The following ASIC2 variants were observed in gnomAD, a reference collection of about 807,000 sequenced individuals.
ASIC2 encodes the protein acid sensing ion channel subunit 2, also known as acid-sensing ion channel 2.
In ASIC2, 25 loss-of-function variants were observed where a neutral mutation model predicts 57.3. The observed-to-expected ratio is 0.44, with a 90% CI of 0.32 to 0.61. The LOEUF (loss-of-function observed/expected upper bound fraction) is 0.61, where lower values mean the gene tolerates loss of function less well. Among genes scored for constraint, ASIC2 ranks in the 20% least tolerant of loss-of-function variants. The pLI, the probability that ASIC2 is intolerant of heterozygous loss-of-function variation, is 0.06. For missense variants in ASIC2, 641 were observed against 738.1 expected (o/e 0.87, Z 1.52); for synonymous variants, 319 against 307.5 (o/e 1.04, Z -0.39).
chr17:33,371,488 T>C lies in ASIC2; in HGVS notation c.556-259421A>G, dbSNP rs545982425. 1.3e-4 allele frequency among the ~76,000 whole-genome samples: 20 copies of C among 152,352 alleles called. No homozygotes were observed. In the South Asian group the frequency reaches 2.5e-3, roughly 19 times the overall value. ...AAAAATAATTGAGCTCTTTGAGGCC[T>C]GATGGGAATCTTACTAAAACCTTCC... On this transcript the variant is annotated intron_variant, in intron 1 of 9. Coordinates refer to the ASIC2 transcript ENST00000359872.
intron 1 of ASIC2, among the ~76,000 whole-genome samples, chr17:33,498,285 G>A (rs151111325): frequency 0.012 from 1,758 of 152,350 alleles, 22 homozygotes; most frequent in Non-Finnish European, 0.016. Context: ...TGATTCCGAG[G>A]CAACTCAAGC....
intron 1 of ASIC2, among the ~76,000 whole-genome samples, chr17:34,133,873 G>A (rs1452289623): frequency 6.6e-6 from 1 of 152,190 alleles, no homozygotes. Flanking sequence ...AGGGTGAGGG[G>A]TGTGGGAGGA....
intron 1 of ASIC2, among the ~76,000 whole-genome samples, chr17:34,015,202 C>T (rs1471149252): frequency 6.6e-6 from 1 of 151,732 alleles, no homozygotes; most frequent in African/African-American, 2.4e-5. Flanking sequence ...AGCAACTATG[C>T]CTAGCCTATC....
chr17:34,038,691 T>C, intron 1 of ASIC2: 3 of 1,598,864 alleles, frequency 1.9e-6, no homozygotes, highest in Admixed American at 1.7e-5. Context: ...TCCTCCTTTT[T>C]AAGATGACCT....
chr17:33,961,743 GAA>G (rs796759359), intron 1 of ASIC2, among the ~76,000 whole-genome samples: 6 of 104,362 alleles, frequency 5.7e-5, no homozygotes, highest in Non-Finnish European at 1.2e-4. Flanking sequence ...ATTTGGGAGG[GAA>G]AAAAAAGTCA....
In ASIC2 at chr17:33,028,110, C is replaced by G. The variant is rs7209941; in HGVS notation, c.1138+132G>C. ...TGCCCTCTTAATAGGCACCAAATAA[C>G]AGAGTCTTCCCAGAACATCATCCTT... On this transcript the variant is annotated intron_variant, in intron 4 of 9. Coordinates refer to ENST00000225823, the MANE Select transcript of ASIC2 (RefSeq NM_183377.2). 11 of 1,293,712 alleles carry G rather than the reference C, an allele frequency of 8.5e-6. No homozygotes were observed. In the African/African-American group the frequency reaches 1.5e-4, roughly 18 times the overall value. The allele number at this position is 1,293,712 out of a possible 1,614,324, so 80.1% of individuals were successfully genotyped here.
At chr17:33,218,314 T>G (rs939448600) in intron 1 of ASIC2, among the ~76,000 whole-genome samples, 1 of 152,136 alleles carries the variant, frequency 6.6e-6, no homozygotes, top group Non-Finnish European at 1.5e-5. Flanking sequence ...GTGCAGAGAA[T>G]TGGGCTCGAC....
intron 1 of ASIC2, among the ~76,000 whole-genome samples, chr17:33,641,692 A>T (rs1906569374): frequency 6.6e-6 from 1 of 152,164 alleles, no homozygotes; most frequent in African/African-American, 2.4e-5. Context: ...GACCGAGGAT[A>T]CCCCTTGAAG....
chr17:33,835,210 C>T (rs573249797), intron 1 of ASIC2, among the ~76,000 whole-genome samples: 1 of 152,180 alleles, frequency 6.6e-6, no homozygotes, highest in Non-Finnish European at 1.5e-5. Context: ...CTGGCTGGAC[C>T]TACTACTGTT....
intron 1 of ASIC2, among the ~76,000 whole-genome samples, chr17:33,429,642 G>A (rs539129321): frequency 5.3e-5 from 8 of 152,042 alleles, no homozygotes; most frequent in East Asian, 1.9e-4. Context: ...TGCCCACCTC[G>A]GCCTCCCAAA....
At chr17:33,392,178 C>T (rs745502416) in intron 1 of ASIC2, among the ~76,000 whole-genome samples, 1 of 17,164 alleles carries the variant, frequency 5.8e-5, no homozygotes, top group East Asian at 1.1e-3. Context: ...TTTCTTCCTT[C>T]CTTCCTTCCT....
rs370248129 is a variant in ASIC2 at position 33,945,570 on chromosome 17, G to A, written c.555+210408C>T. Among the ~76,000 whole-genome samples, 8 of 152,182 alleles carry A rather than the reference G, an allele frequency of 5.3e-5. No individual in the cohort carries two copies. The East Asian group carries it at 1.2e-3, about 22-fold the overall frequency. On this transcript the variant is annotated intron_variant, in intron 1 of 9. Transcript: ENST00000359872. ...CTTAGACATGGCAAGCAGATTAAGCGGGCAGTTCAGAGCTAAGATCAAGAA... is the reference window on the plus strand; with the variant it reads ...CTTAGACATGGCAAGCAGATTAAGCAGGCAGTTCAGAGCTAAGATCAAGAA...
At chr17:34,088,009 T>G (rs1380171205) in intron 1 of ASIC2, among the ~76,000 whole-genome samples, 1 of 152,234 alleles carries the variant, frequency 6.6e-6, no homozygotes, top group African/African-American at 2.4e-5. Context: ...CTTGGAGTAG[T>G]TTGATCATCT....
At chr17:34,150,531 A>G (rs1284236668) in intron 1 of ASIC2, among the ~76,000 whole-genome samples, 1 of 152,202 alleles carries the variant, frequency 6.6e-6, no homozygotes, top group Non-Finnish European at 1.5e-5. Context: ...TTACTAATAA[A>G]CTTTTTAAAA....
chr17:33,160,810 G>C (rs941363644), intron 1 of ASIC2, among the ~76,000 whole-genome samples: 1 of 152,048 alleles, frequency 6.6e-6, no homozygotes, highest in South Asian at 2.1e-4. Context: ...GTTCATGGCG[G>C]GGGGAGAGGC....
chr17:33,721,812 G>C (rs77012453), intron 1 of ASIC2, among the ~76,000 whole-genome samples: 3,906 of 152,288 alleles, frequency 0.026, 158 homozygotes, highest in African/African-American at 0.086. Flanking sequence ...TCCAGAGAGA[G>C]GAAAGAGTGA....
chr17:33,501,609 G>A (rs995111124), intron 1 of ASIC2, among the ~76,000 whole-genome samples: 3 of 152,174 alleles, frequency 2.0e-5, no homozygotes, highest in African/African-American at 4.8e-5. Context: ...AGGTACCGTC[G>A]AATCCGTGTT....
intron 1 of ASIC2, among the ~76,000 whole-genome samples, chr17:33,217,095 T>C (rs1044950374): frequency 3.9e-5 from 6 of 152,240 alleles, no homozygotes; most frequent in East Asian, 3.8e-4. Context: ...AATGTTACAG[T>C]AAATTAAAGG....
chr17:34,012,118 A>G (rs1175669844), intron 1 of ASIC2, among the ~76,000 whole-genome samples: 1 of 152,148 alleles, frequency 6.6e-6, no homozygotes, highest in African/African-American at 2.4e-5. Flanking sequence ...GGGAGTCTAG[A>G]AGTCAATCCA....
Sources: gnomAD v4.1 joint callset for allele counts (sites outside exome capture counted in the v4.1 genomes callset) on GRCh38, gnomAD v4.1.1 for gene constraint, MANE v1.5 for transcripts, NCBI Gene and HGNC (gene_info 2026-07-23, HGNC 2026-07-21) for gene names.